GRIK1: variants seen among roughly 807,000 people sequenced by gnomAD.
GRIK1 encodes glutamate ionotropic receptor kainate type subunit 1, also known as glutamate receptor ionotropic, kainate 1.
In GRIK1, 69 loss-of-function variants were observed where a neutral mutation model predicts 105.7. The ratio of observed to expected loss-of-function variants is 0.65; its 90% CI spans 0.54 to 0.80. GRIK1 has a LOEUF of 0.80. GRIK1 is among the 30% of genes least tolerant of loss of function. The pLI is 0.00. For synonymous variants in GRIK1, 438 were observed against 431.3 expected (o/e 1.02, Z -0.19); for missense variants, 1,109 against 1,167.3 (o/e 0.95, Z 0.73).
chr21:29,824,937 G>C lies in GRIK1; in HGVS notation c.118+114446C>G, dbSNP rs749267785. Among the ~76,000 whole-genome samples the C allele has an allele frequency of 6.0e-4, 92 of 152,098 alleles. 1 individual carries two copies. Among genetic ancestry groups the C allele is most frequent in the East Asian group, 1.4e-3 (7 of 5,154 alleles). ...CTCTAGTGAGGAGTGATGGTGACTT[G>C]AGTGATGTTGATGGTGAGACGTGGT... On this transcript the variant is annotated intron_variant, in intron 1 of 17. Coordinates refer to ENST00000327783, the MANE Select transcript of GRIK1 (RefSeq NM_001330994.2).
chr21:29,895,410 G>A (rs1218900581), intron 1 of GRIK1, among the ~76,000 whole-genome samples: 1 of 152,086 alleles, frequency 6.6e-6, no homozygotes. Flanking sequence ...TTCCCCCTTT[G>A]TAATGCCTTT....
intron 15 of GRIK1, among the ~76,000 whole-genome samples, chr21:29,556,641 A>G (rs1299252711): frequency 6.6e-6 from 1 of 152,142 alleles, no homozygotes; most frequent in Admixed American, 6.6e-5. Flanking sequence ...TTTCTAGCCA[A>G]TAGGAACTAA....
chr21:29,844,573 T>C (rs1403841685), intron 1 of GRIK1, among the ~76,000 whole-genome samples: 1 of 152,216 alleles, frequency 6.6e-6, no homozygotes, highest in Non-Finnish European at 1.5e-5. Context: ...TCCCTTCTGA[T>C]TTAAGGAAAA....
At chr21:29,820,514 A>G (rs1006020490) in intron 1 of GRIK1, among the ~76,000 whole-genome samples, 1 of 152,034 alleles carries the variant, frequency 6.6e-6, no homozygotes, top group African/African-American at 2.4e-5. Context: ...AATGGGGAGG[A>G]AAAAAGAGTA....
intron 1 of GRIK1, among the ~76,000 whole-genome samples, chr21:29,715,632 G>T (rs151223605): frequency 4.7e-4 from 71 of 149,724 alleles, no homozygotes; most frequent in African/African-American, 1.7e-3. Context: ...AGAGAGTTAG[G>T]GCCATAGTCA....
chr21:29,587,286 A>T, intron 12 of GRIK1, 80 bp downstream of exon 12: 2 of 817,210 alleles, frequency 2.4e-6, no homozygotes, highest in Non-Finnish European at 4.0e-6. Context: ...TAAAGTTCCT[A>T]ATTTTTGTCT....
chr21:29,768,852 C>T (rs1331207309), intron 1 of GRIK1, among the ~76,000 whole-genome samples: 1 of 152,232 alleles, frequency 6.6e-6, no homozygotes, highest in Non-Finnish European at 1.5e-5. Flanking sequence ...AATTGCAAGT[C>T]TATTCTTCAC....
chr21:29,609,737 A>G (rs542287489), intron 7 of GRIK1, among the ~76,000 whole-genome samples: 1 of 152,100 alleles, frequency 6.6e-6, no homozygotes, highest in Non-Finnish European at 1.5e-5. Context: ...TGGTTCTTAG[A>G]TCTTCGGACT....
At chr21:29,552,680 G>A (rs2090154346) in intron 16 of GRIK1, among the ~76,000 whole-genome samples, 1 of 151,936 alleles carries the variant, frequency 6.6e-6, no homozygotes, top group African/African-American at 2.4e-5. Flanking sequence ...TCAATGCAAA[G>A]TGAGTGGTAA....
chr21:29,894,131 T>C (rs909843285), intron 1 of GRIK1, among the ~76,000 whole-genome samples: 1 of 152,162 alleles, frequency 6.6e-6, no homozygotes, highest in Non-Finnish European at 1.5e-5. Flanking sequence ...TTAGTCAGGG[T>C]TCTCTAGAGG....
intron 1 of GRIK1, among the ~76,000 whole-genome samples, chr21:29,880,368 A>G (rs2069360596): frequency 6.6e-6 from 1 of 152,184 alleles, no homozygotes; most frequent in East Asian, 1.9e-4. Flanking sequence ...ATGTGCATTA[A>G]GAAAAATGGT....
chr21:29,937,459 T>A (rs1277261788), intron 1 of GRIK1, among the ~76,000 whole-genome samples: 1 of 152,228 alleles, frequency 6.6e-6, no homozygotes, highest in African/African-American at 2.4e-5. Flanking sequence ...GGTCAGTGAA[T>A]CATGTTGTTT....
Position 29,771,478 on chromosome 21 carries a change from T to G in GRIK1, c.119-77415A>C, listed in dbSNP as rs113065560. Among the ~76,000 whole-genome samples, 956 of 152,360 alleles carry G rather than the reference T, an allele frequency of 6.3e-3. 7 individuals carry two copies. The highest frequency in any genetic ancestry group is 0.022 in the African/African-American group (922 of 41,582). On this transcript the variant is annotated intron_variant, in intron 1 of 17. Coordinates refer to ENST00000327783, the MANE Select transcript of GRIK1 (RefSeq NM_001330994.2). ...AGATCAGTAGAGTATGTGATCTCCA[T>G]GCTCTTGCATTTAGGACTAGCTGAA... is the stretch of plus-strand genomic sequence containing the variant.
intron 3 of GRIK1, among the ~76,000 whole-genome samples, chr21:29,675,929 C>T (rs2063257094): frequency 6.6e-6 from 1 of 152,124 alleles, no homozygotes; most frequent in East Asian, 1.9e-4. Flanking sequence ...GAATGAAAAA[C>T]TAATTAACTG....
chr21:29,706,710 T>C (rs564478092), intron 1 of GRIK1, among the ~76,000 whole-genome samples: 1 of 152,306 alleles, frequency 6.6e-6, no homozygotes, highest in South Asian at 2.1e-4. Context: ...AAACATCATA[T>C]CACAGAGGGA....
chr21:29,715,422 G>T (rs766139092), intron 1 of GRIK1, among the ~76,000 whole-genome samples: 21 of 152,090 alleles, frequency 1.4e-4, no homozygotes, highest in Non-Finnish European at 2.5e-4. Context: ...TACCTTGGAT[G>T]TACAATTTAA....
chr21:29,796,533 T>C (rs1431321189), intron 1 of GRIK1, among the ~76,000 whole-genome samples: 1 of 152,198 alleles, frequency 6.6e-6, no homozygotes, highest in Non-Finnish European at 1.5e-5. Flanking sequence ...TGTAAGCTAT[T>C]TTGTAACTTT....
At chr21:29,757,803 C>T (rs1249819780) in intron 1 of GRIK1, among the ~76,000 whole-genome samples, 3 of 152,296 alleles carry the variant, frequency 2.0e-5, no homozygotes, top group South Asian at 2.1e-4. Context: ...CATTCCTGGC[C>T]TCTACCCATT....
intron 1 of GRIK1, among the ~76,000 whole-genome samples, chr21:29,794,953 C>T (rs910749865): frequency 6.6e-6 from 1 of 150,892 alleles, no homozygotes; most frequent in Non-Finnish European, 1.5e-5. Flanking sequence ...TCAGAGATGT[C>T]CTGGGCAAAC....
Sources: allele counts gnomAD v4.1 joint callset (sites outside exome capture counted in the v4.1 genomes callset), GRCh38; gene constraint gnomAD v4.1.1; transcripts MANE v1.5; gene names NCBI Gene and HGNC (gene_info 2026-07-23, HGNC 2026-07-21).